Variants in LRRIQ1 observed in about 807,000 individuals in gnomAD.
The protein encoded by LRRIQ1 is leucine rich repeats and IQ motif containing 1.
Under a neutral mutation model 211.9 loss-of-function variants are expected in LRRIQ1, and 210 were observed. The observed-to-expected ratio is 0.99, with a 90% CI of 0.89 to 1.11. The LOEUF (loss-of-function observed/expected upper bound fraction) is 1.11. Ranked by LOEUF, LRRIQ1 falls within the 50% of genes most tolerant of loss-of-function variation. The probability of loss-of-function intolerance (pLI) is 0.00; values close to 1 mark genes in which losing one functional copy is unlikely to be tolerated. For missense variants in LRRIQ1, 2,136 were observed against 1,939.5 expected, an observed-to-expected ratio of 1.10 and a Z score of -1.90; for synonymous variants, 699 against 650.1, an observed-to-expected ratio of 1.08 and a Z score of -1.14.
At chr12:85,238,152 A>G (rs546248620) in intron 26 of LRRIQ1, among the ~76,000 whole-genome samples, 9 of 152,174 alleles carry the variant, frequency 5.9e-5, no homozygotes, top group African/African-American at 1.9e-4. Flanking sequence ...GCTGGACTTA[A>G]TAAATTAGAC....
intron 25 of LRRIQ1, among the ~76,000 whole-genome samples, chr12:85,232,470 G>A (rs1894987847): frequency 6.6e-6 from 1 of 151,994 alleles, no homozygotes. Flanking sequence ...AAAGAAGAGT[G>A]GTATTGAAGT....
intron 24 of LRRIQ1, among the ~76,000 whole-genome samples, chr12:85,193,066 T>A: frequency 8.7e-6 from 1 of 115,406 alleles, no homozygotes; most frequent in Admixed American, 1.2e-4. Flanking sequence ...ATAAATATTA[T>A]ATTATATTTT....
At chr12:85,265,143 T>A (rs1424528786), downstream of LRRIQ1, among the ~76,000 whole-genome samples, 1 of 152,036 alleles carries the variant, frequency 6.6e-6, no homozygotes, top group Non-Finnish European at 1.5e-5. Context: ...TGACATGAAG[T>A]TTAGACAAAT....
chr12:85,200,973 C>A (rs1168557398), intron 24 of LRRIQ1, among the ~76,000 whole-genome samples: 1 of 147,732 alleles, frequency 6.8e-6, no homozygotes, highest in Non-Finnish European at 1.5e-5. Context: ...GTGCACGCCA[C>A]CATTCCTGGC....
chr12:85,063,532 G>A (rs1443348593), intron 8 of LRRIQ1, among the ~76,000 whole-genome samples: 1 of 151,212 alleles, frequency 6.6e-6, no homozygotes, highest in Non-Finnish European at 1.5e-5. Context: ...CCCTTTCTTT[G>A]TGTTACAAAT....
chr12:85,193,146 C>A (rs1210250555), intron 24 of LRRIQ1, among the ~76,000 whole-genome samples: 2 of 108,682 alleles, frequency 1.8e-5, no homozygotes, highest in Non-Finnish European at 3.6e-5. Flanking sequence ...TATATGGGAC[C>A]ATATATTTAT....
chr12:85,092,308 G>T (rs903976751), intron 11 of LRRIQ1, among the ~76,000 whole-genome samples: 7 of 152,138 alleles, frequency 4.6e-5, no homozygotes, highest in African/African-American at 1.7e-4. Flanking sequence ...TTTTTAGTCA[G>T]AATCCAACAC....
At chr12:85,186,072 C>A (rs1288550335) in intron 24 of LRRIQ1, among the ~76,000 whole-genome samples, 1 of 151,732 alleles carries the variant, frequency 6.6e-6, no homozygotes, top group African/African-American at 2.4e-5. Flanking sequence ...CATTGAAGAG[C>A]AAATAATAAA....
intron 24 of LRRIQ1, among the ~76,000 whole-genome samples, chr12:85,207,793 T>C (rs1893636482): frequency 6.6e-6 from 1 of 152,208 alleles, no homozygotes; most frequent in South Asian, 2.1e-4. Flanking sequence ...AGTATTTTTT[T>C]CTCTATTGTA....
chr12:85,042,239 A>G (rs1487964588), intron 3 of LRRIQ1, among the ~76,000 whole-genome samples: 1 of 151,606 alleles, frequency 6.6e-6, no homozygotes, highest in African/African-American at 2.4e-5. Flanking sequence ...TATAACTCTA[A>G]CCTAATCTAA....
chr12:85,158,130 A>G (rs752846864), intron 23 of LRRIQ1, among the ~76,000 whole-genome samples: 1 of 151,880 alleles, frequency 6.6e-6, no homozygotes, highest in African/African-American at 2.4e-5. Context: ...ATTAATAATA[A>G]AATTCATCTG....
At chr12:85,049,434 C>T (rs1880037154) in intron 6 of LRRIQ1, among the ~76,000 whole-genome samples, 1 of 152,112 alleles carries the variant, frequency 6.6e-6, no homozygotes, top group African/African-American at 2.4e-5. Context: ...ATGCTTCTTT[C>T]TTCTGCCAAA....
intron 11 of LRRIQ1, among the ~76,000 whole-genome samples, chr12:85,078,218 T>G (rs2136143682): frequency 6.6e-6 from 1 of 152,322 alleles, no homozygotes; most frequent in East Asian, 1.9e-4. Context: ...TTTATAGTTT[T>G]AAACTCCTTG....
downstream of LRRIQ1, among the ~76,000 whole-genome samples, chr12:85,248,748 C>T (rs542995791): frequency 6.6e-6 from 1 of 151,874 alleles, no homozygotes; most frequent in African/African-American, 2.4e-5. Flanking sequence ...CTTAAAGGCA[C>T]TATTCGTGAT....
At chr12:85,143,230 A>C (rs1176498029) in intron 19 of LRRIQ1, among the ~76,000 whole-genome samples, 1 of 151,630 alleles carries the variant, frequency 6.6e-6, no homozygotes, top group Non-Finnish European at 1.5e-5. Flanking sequence ...ATTTTTTCAT[A>C]TACCTATTAG....
the LRRIQ1 span, among the ~76,000 whole-genome samples, chr12:85,272,082 T>A: frequency 1.3e-5 from 2 of 152,158 alleles, no homozygotes; most frequent in African/African-American, 4.8e-5. Flanking sequence ...CACTTTTATA[T>A]CCTATATGGT....
chr12:85,156,712 A>G (rs1481533913), intron 23 of LRRIQ1, among the ~76,000 whole-genome samples: 1 of 151,816 alleles, frequency 6.6e-6, no homozygotes, highest in Non-Finnish European at 1.5e-5. Context: ...ATACTTGGAG[A>G]TACATATCTT....
At chr12:85,119,103 A>G (rs549752763) in intron 15 of LRRIQ1, among the ~76,000 whole-genome samples, 1 of 152,272 alleles carries the variant, frequency 6.6e-6, no homozygotes, top group African/African-American at 2.4e-5. Flanking sequence ...AATTACATGT[A>G]TCCACTATTG....
intron 19 of LRRIQ1, among the ~76,000 whole-genome samples, chr12:85,147,624 T>A (rs1309815013): frequency 6.6e-6 from 1 of 151,652 alleles, no homozygotes. Context: ...TAAGCGAACT[T>A]GGGTGAATTG....
Sources: allele counts gnomAD v4.1 joint callset (sites outside exome capture counted in the v4.1 genomes callset), GRCh38; gene constraint gnomAD v4.1.1; transcripts MANE v1.5; gene names NCBI Gene and HGNC (gene_info 2026-07-23, HGNC 2026-07-21).